The following IQSEC1 variants were observed in gnomAD, a reference collection of about 807,000 sequenced individuals.
The protein encoded by IQSEC1 is IQ motif and SEC7 domain-containing protein 1.
In IQSEC1, 31 loss-of-function variants were observed where a neutral mutation model predicts 91.0. The observed-to-expected ratio is 0.34, with a 90% CI of 0.26 to 0.46. IQSEC1 has a LOEUF of 0.46. Ranked by LOEUF, IQSEC1 falls within the 20% of genes least tolerant of loss-of-function variation. The pLI is 1.00. For synonymous variants in IQSEC1, 699 were observed against 662.6 expected (o/e 1.05, Z -0.84); for missense variants, 1,388 against 1,575.6 (o/e 0.88, Z 2.02).
intron 1 of IQSEC1, among the ~76,000 whole-genome samples, chr3:13,175,812 G>A (rs1226417243): frequency 6.6e-6 from 1 of 152,200 alleles, no homozygotes; most frequent in Non-Finnish European, 1.5e-5. Context: ...GAGGCAGCTG[G>A]CTCTCCAAAC....
chr3:13,274,252 A>G (rs1576319135), intron 1 of IQSEC1, among the ~76,000 whole-genome samples: 1 of 152,062 alleles, frequency 6.6e-6, no homozygotes, highest in East Asian at 1.9e-4. Flanking sequence ...CGTGCTAAGG[A>G]CTTCTCACCT....
chr3:13,018,310 C>T (rs899814438), intron 1 of IQSEC1, among the ~76,000 whole-genome samples: 3 of 152,018 alleles, frequency 2.0e-5, no homozygotes, highest in Admixed American at 6.5e-5. Context: ...GAGCTGTTCA[C>T]GGCCCTCCTG....
At chr3:13,210,066 C>T (rs1694415280) in intron 1 of IQSEC1, among the ~76,000 whole-genome samples, 2 of 152,154 alleles carry the variant, frequency 1.3e-5, no homozygotes, top group East Asian at 3.9e-4. Flanking sequence ...CCTCTGAGTC[C>T]CAGTCCTCAG....
chr3:12,976,270 G>T (rs1314305267), intron 1 of IQSEC1, among the ~76,000 whole-genome samples: 1 of 152,206 alleles, frequency 6.6e-6, no homozygotes, highest in Non-Finnish European at 1.5e-5. Flanking sequence ...GGCAGCAGTG[G>T]CCGCCCCAGG....
intron 12 of IQSEC1, among the ~76,000 whole-genome samples, chr3:12,905,989 G>A (rs1694937070): frequency 6.6e-6 from 1 of 152,224 alleles, no homozygotes; most frequent in Non-Finnish European, 1.5e-5. Context: ...TGAGACGCCA[G>A]GCAATGCACT....
At chr3:13,280,327 G>A (rs1417483321) in intron 1 of IQSEC1, among the ~76,000 whole-genome samples, 1 of 152,184 alleles carries the variant, frequency 6.6e-6, no homozygotes, top group Non-Finnish European at 1.5e-5. Context: ...AAGTCCTCAA[G>A]GGGATTGGTT....
intron 2 of IQSEC1, among the ~76,000 whole-genome samples, chr3:13,105,080 T>C (rs1706130747): frequency 6.6e-6 from 1 of 152,164 alleles, no homozygotes. Context: ...GCTGCTAGTT[T>C]GTGACTTCTG....
At chr3:13,258,741 G>T (rs2125126772) in intron 1 of IQSEC1, among the ~76,000 whole-genome samples, 1 of 152,268 alleles carries the variant, frequency 6.6e-6, no homozygotes, top group Admixed American at 6.5e-5. Flanking sequence ...ACCCAGAGAA[G>T]ATAATGGAAT....
At chr3:13,265,398 C>A (rs1432348909) in intron 1 of IQSEC1, among the ~76,000 whole-genome samples, 1 of 152,226 alleles carries the variant, frequency 6.6e-6, no homozygotes, top group Non-Finnish European at 1.5e-5. Flanking sequence ...CCACCTCCAC[C>A]CCCACTCCCT....
intron 1 of IQSEC1, among the ~76,000 whole-genome samples, chr3:13,227,245 G>A (rs1274320997): frequency 4.0e-5 from 6 of 151,680 alleles, no homozygotes; most frequent in East Asian, 3.9e-4. Flanking sequence ...GCATGGTGGC[G>A]GGCGCCTATA....
At chr3:13,217,459 A>C (rs1475345354) in intron 1 of IQSEC1, among the ~76,000 whole-genome samples, 1 of 152,188 alleles carries the variant, frequency 6.6e-6, no homozygotes, top group African/African-American at 2.4e-5. Context: ...GTAGTAGTCC[A>C]CTGTGTGGAA....
chr3:12,917,167 G>A (rs907032858), intron 6 of IQSEC1, among the ~76,000 whole-genome samples: 3 of 152,134 alleles, frequency 2.0e-5, no homozygotes, highest in African/African-American at 4.8e-5. Context: ...CCTGCCCCCC[G>A]ACACTCATAG....
rs1254284970 is a variant in IQSEC1 at position 13,079,178 on chromosome 3, TG to T, written c.303-31657del. 6.6e-5 allele frequency among the ~76,000 whole-genome samples: 10 copies of T among 152,340 alleles called. No homozygotes were observed. In the South Asian group the frequency reaches 1.4e-3, roughly 22 times the overall value. On this transcript the variant is annotated intron_variant, in intron 2 of 15. Coordinates refer to the IQSEC1 transcript ENST00000648114. ...GTCAGCACAGATGTGCACGTGGAGTTGGGCTGTGTGTAGGGCGGAGGGACCG... is the reference window on the plus strand; with the variant it reads ...GTCAGCACAGATGTGCACGTGGAGTTGGCTGTGTGTAGGGCGGAGGGACCG...
intron 1 of IQSEC1, among the ~76,000 whole-genome samples, chr3:13,227,330 T>C (rs9850575): frequency 0.45 from 63,452 of 141,508 alleles, 16,879 homozygotes; most frequent in African/African-American, 0.75. Flanking sequence ...GAGCCGAGAT[T>C]GCGCCATTGC....
Position 13,105,375 on chromosome 3 carries a change from C to T in IQSEC1, c.303-57853G>A, listed in dbSNP as rs1041094354. Among the ~76,000 whole-genome samples the T allele has an allele frequency of 1.3e-4, 20 of 152,296 alleles. No homozygotes were observed. In the Middle Eastern group the frequency reaches 0.01, roughly 78 times the overall value. On this transcript the variant is annotated intron_variant, in intron 2 of 15. Transcript: ENST00000648114. ...CTGGCCACACATCCCAGGGTTCTCC[C>T]GCTGTCCTCTGGGATGGCCAGCAGA...
At chr3:13,012,964 C>CTTTTTTTTTTTTCTT (rs1702953579) in intron 1 of IQSEC1, among the ~76,000 whole-genome samples, 1 of 97,544 alleles carries the variant, frequency 1.0e-5, no homozygotes, top group Non-Finnish European at 1.9e-5. Context: ...AAAGTCTGGG[C>CTTTTTTTTTTTTCTT]TTTTTTTTTT....
chr3:13,069,256 T>C (rs1176840736), intron 1 of IQSEC1, among the ~76,000 whole-genome samples: 4 of 152,058 alleles, frequency 2.6e-5, no homozygotes, highest in Non-Finnish European at 5.9e-5. Context: ...CCTGCATCTC[T>C]CTCGGTGGGC....
intron 1 of IQSEC1, among the ~76,000 whole-genome samples, chr3:13,004,784 C>T (rs1444552383): frequency 2.0e-5 from 3 of 152,062 alleles, no homozygotes; most frequent in Non-Finnish European, 1.5e-5. Context: ...GCTAATTCAC[C>T]TCCCACCAAA....
chr3:12,966,347 A>G (rs992525569), intron 1 of IQSEC1, among the ~76,000 whole-genome samples: 2 of 152,152 alleles, frequency 1.3e-5, no homozygotes, highest in Non-Finnish European at 2.9e-5. Flanking sequence ...TGCGCTGCAC[A>G]ATTTTTGAAC....
Sources: gnomAD v4.1 joint callset for allele counts (sites outside exome capture counted in the v4.1 genomes callset) on GRCh38, gnomAD v4.1.1 for gene constraint, MANE v1.5 for transcripts, NCBI Gene and HGNC (gene_info 2026-07-23, HGNC 2026-07-21) for gene names.